Variants in CNTNAP4 observed in about 807,000 individuals in gnomAD.
CNTNAP4 encodes the protein contactin associated protein family member 4.
Under a neutral mutation model 148.4 loss-of-function variants are expected in CNTNAP4, and 98 were observed. The observed-to-expected ratio is 0.66, with a 90% CI of 0.56 to 0.78. The LOEUF (loss-of-function observed/expected upper bound fraction) is 0.78, where lower values mean the gene tolerates loss of function less well. Ranked by LOEUF, CNTNAP4 falls within the 30% of genes least tolerant of loss-of-function variation. The pLI is 0.00. For synonymous variants in CNTNAP4, 730 were observed against 565.1 expected (o/e 1.29, Z -4.14); for missense variants, 1,935 against 1,565.6 (o/e 1.24, Z -3.98).
intron 1 of CNTNAP4, among the ~76,000 whole-genome samples, chr16:76,284,125 G>A (rs565625006): frequency 2.0e-5 from 3 of 151,800 alleles, no homozygotes; most frequent in African/African-American, 7.2e-5. Context: ...TATAATCATT[G>A]AAATTATATT....
intron 12 of CNTNAP4, among the ~76,000 whole-genome samples, chr16:76,486,680 C>G (rs1420716146): frequency 6.6e-6 from 1 of 152,130 alleles, no homozygotes; most frequent in Admixed American, 6.5e-5. Flanking sequence ...TGCTTATTTT[C>G]TAAGAGTAAT....
At chr16:76,400,780 A>G (rs545744818) in intron 3 of CNTNAP4, among the ~76,000 whole-genome samples, 4 of 152,262 alleles carry the variant, frequency 2.6e-5, no homozygotes, top group African/African-American at 7.2e-5. Context: ...TCTCAGCACT[A>G]TTTATTGAAT....
chr16:76,381,279 C>T (rs1279980216), intron 3 of CNTNAP4, among the ~76,000 whole-genome samples: 1 of 152,180 alleles, frequency 6.6e-6, no homozygotes, highest in East Asian at 1.9e-4. Context: ...AGATTGTTGA[C>T]ATGTCTTTGG....
intron 23 of CNTNAP4, among the ~76,000 whole-genome samples, chr16:76,554,872 TA>T (rs1214869143): frequency 1.3e-5 from 2 of 152,144 alleles, no homozygotes; most frequent in Admixed American, 1.3e-4. Context: ...GCTTTCAGGC[TA>T]CCTTCTCAAG....
chr16:76,435,477 C>T (rs2079790384), intron 4 of CNTNAP4, among the ~76,000 whole-genome samples: 1 of 152,144 alleles, frequency 6.6e-6, no homozygotes, highest in Admixed American at 6.5e-5. Context: ...CAGTTATTCC[C>T]ATTTTATTTA....
chr16:76,376,096 G>T (rs2015385046), intron 3 of CNTNAP4, among the ~76,000 whole-genome samples: 1 of 151,908 alleles, frequency 6.6e-6, no homozygotes, highest in Non-Finnish European at 1.5e-5. Flanking sequence ...TTAGGGGGAG[G>T]GAGAGAAAGA....
intron 2 of CNTNAP4, among the ~76,000 whole-genome samples, chr16:76,340,870 A>G (rs1357760424): frequency 6.6e-6 from 1 of 152,068 alleles, no homozygotes; most frequent in Non-Finnish European, 1.5e-5. Flanking sequence ...TCAGCAATGT[A>G]CTCCTTAGAA....
intron 23 of CNTNAP4, 114 bp from the exon 24 acceptor site, chr16:76,558,376 T>A (rs2085281755): frequency 1.8e-6 from 1 of 570,940 alleles, no homozygotes; most frequent in East Asian, 2.9e-5. Flanking sequence ...CCAATTTATA[T>A]GTAGTAGATG....
At chr16:76,333,481 ACAT>A (rs1341700034) in intron 2 of CNTNAP4, among the ~76,000 whole-genome samples, 2 of 152,116 alleles carry the variant, frequency 1.3e-5, no homozygotes, top group South Asian at 2.1e-4. Context: ...ATTTGTTGAG[ACAT>A]CATTCTCCTA....
intron 15 of CNTNAP4, among the ~76,000 whole-genome samples, chr16:76,513,310 A>T (rs934010445): frequency 1.3e-5 from 2 of 152,130 alleles, no homozygotes; most frequent in Non-Finnish European, 2.9e-5. Flanking sequence ...GAGATGTATT[A>T]TTGGGGAGAG....
chr16:76,378,579 C>T (rs1422929930), intron 3 of CNTNAP4, among the ~76,000 whole-genome samples: 1 of 152,212 alleles, frequency 6.6e-6, no homozygotes, highest in East Asian at 1.9e-4. Flanking sequence ...AATGGACAGA[C>T]AAGGGGACCT....
At chr16:76,327,654 C>T (rs1407675246) in intron 2 of CNTNAP4, among the ~76,000 whole-genome samples, 2 of 152,214 alleles carry the variant, frequency 1.3e-5, no homozygotes, top group East Asian at 1.9e-4. Context: ...TGCCCTATGG[C>T]TCCTCTGATA....
At chr16:76,430,296 G>T (rs916480534) in intron 4 of CNTNAP4, among the ~76,000 whole-genome samples, 2 of 152,176 alleles carry the variant, frequency 1.3e-5, no homozygotes, top group African/African-American at 2.4e-5. Flanking sequence ...GCAGGAGTCA[G>T]AGGAGAAAAG....
intron 3 of CNTNAP4, among the ~76,000 whole-genome samples, chr16:76,378,410 C>G (rs1254130416): frequency 1.3e-5 from 2 of 152,094 alleles, no homozygotes; most frequent in South Asian, 2.1e-4. Context: ...GTAGCTAATA[C>G]GGAAGTCAGA....
At chr16:76,289,920 A>G (rs1165177642) in intron 1 of CNTNAP4, among the ~76,000 whole-genome samples, 1 of 152,156 alleles carries the variant, frequency 6.6e-6, no homozygotes, top group Non-Finnish European at 1.5e-5. Flanking sequence ...ATTTTCTGGT[A>G]AAACCCATCA....
intron 21 of CNTNAP4, among the ~76,000 whole-genome samples, chr16:76,547,861 A>G (rs2084801940): frequency 6.6e-6 from 1 of 152,220 alleles, no homozygotes; most frequent in Non-Finnish European, 1.5e-5. Context: ...TCCCCAGAAG[A>G]GCTTTAGAGA....
chr16:76,483,028 A>G (rs2081893179), intron 12 of CNTNAP4, among the ~76,000 whole-genome samples: 1 of 146,108 alleles, frequency 6.8e-6, no homozygotes, highest in Non-Finnish European at 1.5e-5. Context: ...TCCAGTGCCA[A>G]AATGTTTTAT....
In CNTNAP4 at chr16:76,449,793, C is replaced by A. The variant is rs139023101; in HGVS notation, c.1006C>A (p.Leu336Ile). 1.9e-6 allele frequency: 3 copies of A among 1,601,280 alleles called. No homozygotes were observed. The highest frequency in any genetic ancestry group is 2.2e-5 in the East Asian group (1 of 44,532). ...HRNFHGCLEN[L>I]YYNGVDIIDL... The stretch of plus-strand genomic sequence containing the variant: ...AAATTTTCATGGATGTTTAGAAAAT[C>A]TCTATTATAATGGAGTGGATATCAT... Residue 336 changes from leucine (L) to isoleucine (I), a missense_variant, in exon 7 of 24, where the codon CTC (leucine) becomes ATC (isoleucine). Transcript: ENST00000611870.
rs2082008292 is a variant in CNTNAP4, at chr16:76,485,863, G to T, written c.1883-3823G>T. Among the ~76,000 whole-genome samples the T allele has an allele frequency of 3.3e-5, 5 of 152,250 alleles. No homozygotes were observed. In the South Asian group the frequency reaches 1.0e-3, roughly 32 times the overall value. On this transcript the variant is annotated intron_variant, in intron 12 of 23. Transcript: ENST00000611870. Reference sequence around the variant, plus strand: ...TGCAGTCTTATTTACATCAAGCTTTGCTCCAGAAGGCTGGCTCTCTCCCCT... The same window carrying T: ...TGCAGTCTTATTTACATCAAGCTTTTCTCCAGAAGGCTGGCTCTCTCCCCT...
Sources: allele counts gnomAD v4.1 joint callset (sites outside exome capture counted in the v4.1 genomes callset), GRCh38; gene constraint gnomAD v4.1.1; transcripts MANE v1.5; gene names NCBI Gene and HGNC (gene_info 2026-07-23, HGNC 2026-07-21).